The following SMAD1 variants were observed in gnomAD, a reference collection of about 807,000 sequenced individuals.
SMAD1 encodes SMAD family member 1.
In SMAD1, 6 loss-of-function variants were observed where a neutral mutation model predicts 41.6. That is an observed-to-expected ratio of 0.14 (90% CI 0.08 to 0.28). The LOEUF (loss-of-function observed/expected upper bound fraction) is 0.28. Among genes scored for constraint, SMAD1 ranks in the 10% least tolerant of loss-of-function variants. The pLI, the probability that SMAD1 is intolerant of heterozygous loss-of-function variation, is 1.00. For missense variants in SMAD1, 379 were observed against 582.6 expected, an observed-to-expected ratio of 0.65 and a Z score of 3.60; for synonymous variants, 206 against 203.2, an observed-to-expected ratio of 1.01 and a Z score of -0.12.
chr4:145,509,918 G>T (rs1729986844), intron 1 of SMAD1, among the ~76,000 whole-genome samples: 2 of 152,200 alleles, frequency 1.3e-5, no homozygotes, highest in African/African-American at 4.8e-5. Flanking sequence ...AGTTCTTCAA[G>T]GAGCTAAATT....
At chr4:145,501,789 C>G (rs529577238) in intron 1 of SMAD1, among the ~76,000 whole-genome samples, 1 of 151,140 alleles carries the variant, frequency 6.6e-6, no homozygotes, top group East Asian at 1.9e-4. Flanking sequence ...TATAGATATA[C>G]TACTTACCAG....
chr4:145,510,445 A>G (rs777428947), intron 1 of SMAD1, among the ~76,000 whole-genome samples: 2 of 152,028 alleles, frequency 1.3e-5, no homozygotes, highest in Non-Finnish European at 2.9e-5. Flanking sequence ...TTGATGTGAT[A>G]TTTTTACAAT....
chr4:145,547,385 C>T (rs1368555546), intron 5 of SMAD1, among the ~76,000 whole-genome samples: 2 of 152,056 alleles, frequency 1.3e-5, no homozygotes, highest in African/African-American at 4.8e-5. Context: ...ACAGGGACAC[C>T]AAATTGAACA....
chr4:145,550,291 T>A (rs1732484423), intron 5 of SMAD1, among the ~76,000 whole-genome samples: 1 of 152,134 alleles, frequency 6.6e-6, no homozygotes, highest in Non-Finnish European at 1.5e-5. Context: ...GGCAGGTGGA[T>A]CAGTTGAGGT....
At position 145,558,751 on chromosome 4, in the gene SMAD1, T is replaced by G. The variant is rs1386765047; in HGVS notation, c.*817T>G. 6.6e-6 allele frequency among the ~76,000 whole-genome samples: 1 copy of G among 152,204 alleles called. No homozygotes were observed. The highest frequency in any genetic ancestry group is 1.5e-5 in the Non-Finnish European group (1 of 68,032). On this transcript the variant is annotated 3_prime_UTR_variant, in exon 7 of 7. Coordinates refer to ENST00000302085, the MANE Select transcript of SMAD1 (RefSeq NM_005900.3). The stretch of plus-strand genomic sequence containing the variant: ...ATTTTTTTCTCTCTCGGCATTCTTT[T>G]TTCTCATACTCTTCAAAAAGCAGTT...
chr4:145,502,491 C>G (rs1729503397), intron 1 of SMAD1, among the ~76,000 whole-genome samples: 1 of 152,170 alleles, frequency 6.6e-6, no homozygotes, highest in Non-Finnish European at 1.5e-5. Flanking sequence ...GATGTGACAG[C>G]TGCTATTTTA....
At chr4:145,538,119 A>G (rs913237833) in intron 2 of SMAD1, among the ~76,000 whole-genome samples, 1 of 152,192 alleles carries the variant, frequency 6.6e-6, no homozygotes, top group Non-Finnish European at 1.5e-5. Flanking sequence ...TGTAAAAGGC[A>G]AGTTGGGAAA....
intron 2 of SMAD1, among the ~76,000 whole-genome samples, chr4:145,535,161 T>C (rs1731542068): frequency 1.3e-5 from 2 of 152,218 alleles, no homozygotes; most frequent in Admixed American, 6.5e-5. Context: ...AAATGTCATT[T>C]GTCACCCATC....
intron 6 of SMAD1, among the ~76,000 whole-genome samples, 196 bp from the exon 7 acceptor site, chr4:145,557,595 A>G (rs1484065426): frequency 6.6e-6 from 1 of 152,166 alleles, no homozygotes; most frequent in Non-Finnish European, 1.5e-5. Flanking sequence ...GGGAGCTAAC[A>G]TCCATCCCTT....
intron 1 of SMAD1, among the ~76,000 whole-genome samples, chr4:145,508,145 T>G (rs1729889817): frequency 6.6e-6 from 1 of 151,984 alleles, no homozygotes; most frequent in Non-Finnish European, 1.5e-5. Flanking sequence ...TTACCTTAGT[T>G]GTCTTTCTAA....
At chr4:145,543,996 A>T (rs1212771761) in intron 4 of SMAD1, among the ~76,000 whole-genome samples, 1 of 152,154 alleles carries the variant, frequency 6.6e-6, no homozygotes, top group Non-Finnish European at 1.5e-5. Context: ...CTTAAAATTG[A>T]TTTTGTCTCT....
chr4:145,515,213 T>C (rs1430072268), intron 2 of SMAD1, among the ~76,000 whole-genome samples, 200 bp downstream of exon 2: 2 of 151,652 alleles, frequency 1.3e-5, no homozygotes, highest in Non-Finnish European at 2.9e-5. Context: ...CCTGAGTGTT[T>C]CATACATTTT....
chr4:145,540,909 C>G (rs1231598872), intron 3 of SMAD1, among the ~76,000 whole-genome samples: 1 of 152,126 alleles, frequency 6.6e-6, no homozygotes, highest in Non-Finnish European at 1.5e-5. Flanking sequence ...AACATCAGTG[C>G]TAGGCCTTCA....
Position 145,558,039 on chromosome 4 carries a change from C to A in SMAD1, c.*105C>A. 4 of 666,714 alleles carry A rather than the reference C, an allele frequency of 6.0e-6. No individual in the cohort carries two copies. Among genetic ancestry groups the A allele is most frequent in the South Asian group, 4.5e-5 (1 of 22,050 alleles). 41.3% of individuals were successfully genotyped at this position (666,714 alleles called of 1,614,324 possible). A position where few individuals can be genotyped will look rare whatever the true frequency, so the allele number is the denominator to read the frequency against. ...AACTGACAAAGGAGCCTTGATAATA[C>A]TTGACCTCTGTGACCAACTGTTGGA... On this transcript the variant is annotated 3_prime_UTR_variant, in exon 7 of 7. Transcript: ENST00000302085.
Position 145,535,053 on chromosome 4 carries a change from C to T in SMAD1, c.401-4751C>T, listed in dbSNP as rs140524158. Among the ~76,000 whole-genome samples the T allele has an allele frequency of 1.1e-3, 171 of 150,720 alleles. 2 individuals are homozygous for T. The highest frequency in any genetic ancestry group is 0.011 in the Admixed American group (162 of 15,150). On this transcript the variant is annotated intron_variant, in intron 2 of 6. Transcript: ENST00000302085. ...ACCAAAAATAGGCAAAAGGCATAAG[C>T]CAACAGTTCAAAGAAAAAGATAGAA... is the stretch of plus-strand genomic sequence containing the variant.
At chr4:145,485,903 A>G (rs1262213148) in intron 1 of SMAD1, among the ~76,000 whole-genome samples, 1 of 152,192 alleles carries the variant, frequency 6.6e-6, no homozygotes, top group Non-Finnish European at 1.5e-5. Flanking sequence ...TTTACAGGTA[A>G]AGAAACTGAG....
In SMAD1 at chr4:145,481,973, C is replaced by T. The variant is rs956346754; in HGVS notation, c.-242C>T. ...GGCGCAGCGCCCGGCCGTCCGGACC[C>T]GGGCCGCGAGACCCCGCTCGCCCGG... On this transcript the variant is annotated 5_prime_UTR_variant, in exon 1 of 7. Coordinates refer to ENST00000302085, the MANE Select transcript of SMAD1 (RefSeq NM_005900.3). 1.3e-5 allele frequency: 2 copies of T among 152,052 alleles called. No individual in the cohort carries two copies. The highest frequency in any genetic ancestry group is 4.8e-5 in the African/African-American group (2 of 41,398). 9.4% of individuals were successfully genotyped at this position (152,052 alleles called of 1,614,324 possible).
intron 2 of SMAD1, chr4:145,525,765 A>AC (rs1730987486): frequency 6.6e-6 from 1 of 152,222 alleles, no homozygotes; most frequent in African/African-American, 2.4e-5. Flanking sequence ...CTGAAGCCTG[A>AC]CCATAATACT....
intron 1 of SMAD1, among the ~76,000 whole-genome samples, chr4:145,487,484 T>C (rs1446436097): frequency 6.6e-6 from 1 of 152,208 alleles, no homozygotes; most frequent in Non-Finnish European, 1.5e-5. Context: ...AATAGGGGCA[T>C]GTCCTCTTTG....
Sources: gnomAD v4.1 joint callset for allele counts (sites outside exome capture counted in the v4.1 genomes callset) on GRCh38, gnomAD v4.1.1 for gene constraint, MANE v1.5 for transcripts, NCBI Gene and HGNC (gene_info 2026-07-23, HGNC 2026-07-21) for gene names.